The following EPM2A variants were observed in gnomAD, a reference collection of about 807,000 sequenced individuals.
EPM2A encodes the protein laforin.
In EPM2A, 21 loss-of-function variants were observed where a neutral mutation model predicts 26.5. The ratio of observed to expected loss-of-function variants is 0.79; its 90% CI spans 0.56 to 1.14. EPM2A has a LOEUF of 1.14. Among genes scored for constraint, EPM2A ranks in the 50% most tolerant of loss-of-function variants. The probability of loss-of-function intolerance (pLI) is 0.00; values close to 1 mark genes in which losing one functional copy is unlikely to be tolerated. For missense variants in EPM2A, 458 were observed against 440.8 expected, an observed-to-expected ratio of 1.04 and a Z score of -0.35; for synonymous variants, 217 against 177.6, an observed-to-expected ratio of 1.22 and a Z score of -1.76.
chr6:145,443,730 C>T lies in EPM2A; in HGVS notation c.555+58792G>A, dbSNP rs560496445. Among the ~76,000 whole-genome samples, 3 of 152,208 alleles carry T rather than the reference C, an allele frequency of 2.0e-5. No individual in the cohort carries two copies. In the South Asian group the frequency reaches 6.2e-4, roughly 32 times the overall value. On this transcript the variant is annotated intron_variant, in intron 4 of 4. Transcript: ENST00000638717. ...CCTACCCAAATCTCACCTTGTAGCT[C>T]CCATAACTCCCATGTGTTGTGGAAG... is the stretch of plus-strand genomic sequence containing the variant.
At chr6:145,702,039 C>T (rs552343042) in intron 1 of EPM2A, among the ~76,000 whole-genome samples, 32 of 152,238 alleles carry the variant, frequency 2.1e-4, no homozygotes, top group African/African-American at 7.5e-4. Flanking sequence ...CTCCCCAAAT[C>T]CCTCCTCTTC....
chr6:145,564,298 G>C (rs146624542), intron 2 of EPM2A, among the ~76,000 whole-genome samples: 279 of 152,258 alleles, frequency 1.8e-3, no homozygotes, highest in African/African-American at 6.1e-3. Context: ...CTATATGCCT[G>C]TGTATATCTA....
chr6:145,729,024 C>T (rs1776349673), intron 1 of EPM2A, among the ~76,000 whole-genome samples: 1 of 152,202 alleles, frequency 6.6e-6, no homozygotes, highest in African/African-American at 2.4e-5. Flanking sequence ...TCTCAGTCCA[C>T]TGCTCCAGAG....
intron 2 of EPM2A, chr6:145,684,930 C>T (rs1162687837): frequency 6.6e-6 from 1 of 152,122 alleles, no homozygotes; most frequent in African/African-American, 2.4e-5. Flanking sequence ...TTCAAGAGGA[C>T]TATTAATTCC....
chr6:145,433,921 C>T (rs886709151), intron 4 of EPM2A, among the ~76,000 whole-genome samples: 5 of 152,022 alleles, frequency 3.3e-5, no homozygotes, highest in African/African-American at 1.2e-4. Context: ...CATGTCCCTT[C>T]TACTGGAAGG....
intron 2 of EPM2A, among the ~76,000 whole-genome samples, chr6:145,609,793 T>C (rs528076518): frequency 5.3e-5 from 8 of 152,348 alleles, no homozygotes; most frequent in South Asian, 2.1e-4. Flanking sequence ...CTCTTGTTCT[T>C]TGGTGTCCTT....
intron 4 of EPM2A, among the ~76,000 whole-genome samples, chr6:145,484,989 A>C (rs1422789974): frequency 3.0e-5 from 3 of 100,866 alleles, no homozygotes; most frequent in Non-Finnish European, 4.1e-5. Flanking sequence ...AATGACATTA[A>C]AATATATATA....
At chr6:145,720,033 T>A (rs551401652) in intron 1 of EPM2A, among the ~76,000 whole-genome samples, 1 of 152,290 alleles carries the variant, frequency 6.6e-6, no homozygotes, top group East Asian at 1.9e-4. Flanking sequence ...TTGGATCATA[T>A]CTCTCAACAT....
At chr6:145,516,760 G>A (rs894911358) in intron 2 of EPM2A, among the ~76,000 whole-genome samples, 1 of 152,056 alleles carries the variant, frequency 6.6e-6, no homozygotes, top group Non-Finnish European at 1.5e-5. Context: ...GGGTATAAAA[G>A]GATTGTCTCA....
At position 145,627,217 on chromosome 6, in the gene EPM2A, C is replaced by A; in HGVS notation, c.*199G>T. On this transcript the variant is annotated 3_prime_UTR_variant, in exon 4 of 4. Transcript: ENST00000367519. ...GTGCTTCTTCTCATGTGTTGAGCCA[C>A]AGCTTTCTTGTAGAGTATTTCAAAA... 6.9e-7 allele frequency: 1 copy of A among 1,458,856 alleles called. No individual in the cohort carries two copies. Among genetic ancestry groups the A allele is most frequent in the Admixed American group, 2.7e-5 (1 of 37,602 alleles). The allele number at this position is 1,458,856 out of a possible 1,614,324, so 90.4% of individuals were successfully genotyped here. A position where few individuals can be genotyped will look rare whatever the true frequency, so the allele number is the denominator to read the frequency against.
At chr6:145,554,410 GAGAT>G (rs1256584939) in intron 2 of EPM2A, among the ~76,000 whole-genome samples, 4 of 144,788 alleles carry the variant, frequency 2.8e-5, no homozygotes, top group African/African-American at 7.8e-5. Context: ...AGATAATAGA[GAGAT>G]AGATAGATGA....
intron 4 of EPM2A, among the ~76,000 whole-genome samples, chr6:145,496,549 G>T (rs967551720): frequency 4.6e-5 from 7 of 151,852 alleles, no homozygotes; most frequent in African/African-American, 1.5e-4. Context: ...CTCTGTTCTT[G>T]TCTGCCAGCC....
In EPM2A at chr6:145,531,734, TCAGGTGACA is replaced by T. The variant is rs1208258807; in HGVS notation, c.341-29168_341-29160del. 5.3e-5 allele frequency among the ~76,000 whole-genome samples: 8 copies of T among 152,254 alleles called. No homozygotes were observed. In the East Asian group the frequency reaches 1.5e-3, roughly 29 times the overall value. ...TACAGCCCTGGATGATGCAGCTTCC[TCAGGTGACA>T]CAGGCCCCGGACATTATGCTGAAGA... On this transcript the variant is annotated intron_variant, in intron 2 of 3. Transcript: ENST00000450221.
intron 2 of EPM2A, among the ~76,000 whole-genome samples, chr6:145,504,402 A>G (rs1288015783): frequency 3.6e-5 from 5 of 137,364 alleles, no homozygotes; most frequent in Non-Finnish European, 6.3e-5. Context: ...TTACAAGAAA[A>G]AAACAAGCAA....
rs985919299 is a variant in EPM2A at position 145,390,093 on chromosome 6, G to A, written c.556-5996C>T. 2.6e-5 allele frequency among the ~76,000 whole-genome samples: 4 copies of A among 152,148 alleles called. No individual in the cohort carries two copies. In the East Asian group the frequency reaches 5.8e-4, roughly 22 times the overall value. Reference sequence around the variant, plus strand: ...GATTTATCTTAAGAAACTGGCTCACGCTATTGTGGAAGCTTGGTAAGTGCA... The same window carrying A: ...GATTTATCTTAAGAAACTGGCTCACACTATTGTGGAAGCTTGGTAAGTGCA... On this transcript the variant is annotated intron_variant, in intron 4 of 4. Coordinates refer to the EPM2A transcript ENST00000638717.
At position 145,699,809 on chromosome 6, in the gene EPM2A, T is replaced by A. The variant is rs183126142; in HGVS notation, c.302-13513A>T. 9.2e-5 allele frequency among the ~76,000 whole-genome samples: 14 copies of A among 152,300 alleles called. No individual in the cohort carries two copies. In the East Asian group the frequency reaches 2.7e-3, roughly 29 times the overall value. On this transcript the variant is annotated intron_variant, in intron 1 of 3. Coordinates refer to ENST00000367519, the MANE Select transcript of EPM2A (RefSeq NM_005670.4). ...CTGTATTTAAGAAGGCATTTTTTAA[T>A]GCAAAGCATTTACATTAGTTAATGA...
rs150365386 is a variant in EPM2A, at chr6:145,677,394, A to G, written c.476+8728T>C. On this transcript the variant is annotated intron_variant, in intron 2 of 3. Coordinates refer to ENST00000367519, the MANE Select transcript of EPM2A (RefSeq NM_005670.4). Reference sequence around the variant, plus strand: ...GCACAAGACAAGGATGCCCTCTCTCACCACTCCTATTCAACATAGTGTTGG... The same window carrying G: ...GCACAAGACAAGGATGCCCTCTCTCGCCACTCCTATTCAACATAGTGTTGG... Among the ~76,000 whole-genome samples the G allele has an allele frequency of 4.1e-3, 625 of 152,338 alleles. 18 individuals are homozygous for G. In the East Asian group the frequency reaches 0.07, roughly 17 times the overall value.
intron 2 of EPM2A, among the ~76,000 whole-genome samples, chr6:145,554,311 C>T (rs1472952262): frequency 6.6e-6 from 1 of 151,880 alleles, no homozygotes; most frequent in African/African-American, 2.4e-5. Context: ...GTACTTGTTC[C>T]TCAATGTACC....
At chr6:145,709,600 G>A (rs1263697258) in intron 1 of EPM2A, among the ~76,000 whole-genome samples, 1 of 152,114 alleles carries the variant, frequency 6.6e-6, no homozygotes, top group Non-Finnish European at 1.5e-5. Context: ...AAATTACCCA[G>A]TCTCGAGTAT....
Sources: allele counts gnomAD v4.1 joint callset (sites outside exome capture counted in the v4.1 genomes callset), GRCh38; gene constraint gnomAD v4.1.1; transcripts MANE v1.5; gene names NCBI Gene and HGNC (gene_info 2026-07-23, HGNC 2026-07-21).